BTBD9: variants seen among roughly 807,000 people sequenced by gnomAD.
BTBD9 encodes the protein BTB/POZ domain-containing protein 9.
Under a neutral mutation model 64.3 loss-of-function variants are expected in BTBD9, and 49 were observed. That is an observed-to-expected ratio of 0.76 (90% CI 0.61 to 0.97). The LOEUF is 0.97. BTBD9 is among the 50% of genes least tolerant of loss of function. The probability of loss-of-function intolerance (pLI) is 0.00; values close to 1 mark genes in which losing one functional copy is unlikely to be tolerated. For synonymous variants in BTBD9, 260 were observed against 274.7 expected (o/e 0.95, Z 0.53); for missense variants, 598 against 762.1 (o/e 0.78, Z 2.53).
chr6:38,377,475 C>T (rs1018326447), intron 6 of BTBD9, among the ~76,000 whole-genome samples: 2 of 152,162 alleles, frequency 1.3e-5, no homozygotes, highest in African/African-American at 4.8e-5. Flanking sequence ...CAATCTATTA[C>T]CCAAATAAAA....
chr6:38,431,551 T>C (rs1768438305), intron 6 of BTBD9, among the ~76,000 whole-genome samples: 2 of 152,116 alleles, frequency 1.3e-5, no homozygotes, highest in Non-Finnish European at 2.9e-5. Context: ...TCAAACCTGC[T>C]CCTCCCCATT....
At chr6:38,603,162 C>T (rs1777315815) in intron 1 of BTBD9, among the ~76,000 whole-genome samples, 1 of 152,188 alleles carries the variant, frequency 6.6e-6, no homozygotes, top group African/African-American at 2.4e-5. Context: ...GAAGGACTTA[C>T]ACTGAGAATG....
intron 6 of BTBD9, among the ~76,000 whole-genome samples, chr6:38,437,138 T>C (rs1249368630): frequency 6.6e-6 from 1 of 152,164 alleles, no homozygotes; most frequent in African/African-American, 2.4e-5. Flanking sequence ...AATACATAAA[T>C]ACAGAGTCAA....
At chr6:38,415,858 T>TA (rs36006444) in intron 6 of BTBD9, among the ~76,000 whole-genome samples, 2,543 of 145,534 alleles carry the variant, frequency 0.017, 31 homozygotes, top group African/African-American at 0.041. Flanking sequence ...CTGCAGTCCT[T>TA]AAAAAAAAAA....
intron 6 of BTBD9, among the ~76,000 whole-genome samples, chr6:38,368,781 T>C (rs1007789411): frequency 2.0e-5 from 3 of 152,210 alleles, no homozygotes; most frequent in African/African-American, 7.2e-5. Flanking sequence ...GCCCTCAGGC[T>C]AAGGGTCCCT....
chr6:38,593,851 G>A (rs1003620043), intron 3 of BTBD9, 113 bp downstream of exon 3: 11 of 976,692 alleles, frequency 1.1e-5, no homozygotes, highest in Admixed American at 9.7e-5. Context: ...CAATGATAAC[G>A]CTTTGATACC....
chr6:38,303,562 C>G (rs137912734), intron 7 of BTBD9, among the ~76,000 whole-genome samples: 6 of 151,956 alleles, frequency 3.9e-5, no homozygotes, highest in Non-Finnish European at 5.9e-5. Context: ...CCAGTTGTCT[C>G]TGTTTACTCT....
intron 1 of BTBD9, among the ~76,000 whole-genome samples, chr6:38,625,799 A>T (rs1378334051): frequency 6.6e-6 from 1 of 152,238 alleles, no homozygotes; most frequent in East Asian, 1.9e-4. Context: ...CAACTTTCTC[A>T]TTTAGAAAAT....
In BTBD9 at chr6:38,460,020, T is replaced by C. The variant is rs574502439; in HGVS notation, c.1155-114927A>G. 2.0e-5 allele frequency among the ~76,000 whole-genome samples: 3 copies of C among 152,342 alleles called. No individual in the cohort carries two copies. In the South Asian group the frequency reaches 6.2e-4, roughly 32 times the overall value. The stretch of plus-strand genomic sequence containing the variant: ...ATCTCAAGCTAGCTTATGATATAAA[T>C]TTCAATTAGAAAATCCTAGCAAAAC... On this transcript the variant is annotated intron_variant, in intron 6 of 10. Coordinates refer to ENST00000481247, the MANE Select transcript of BTBD9 (RefSeq NM_001099272.2).
At chr6:38,536,832 G>A (rs931906267) in intron 6 of BTBD9, among the ~76,000 whole-genome samples, 3 of 152,018 alleles carry the variant, frequency 2.0e-5, no homozygotes, top group Non-Finnish European at 4.4e-5. Context: ...GAGTGCTGGG[G>A]GTGGAGGAAA....
intron 6 of BTBD9, among the ~76,000 whole-genome samples, chr6:38,512,917 T>G (rs1772837823): frequency 6.6e-6 from 1 of 152,216 alleles, no homozygotes; most frequent in South Asian, 2.1e-4. Flanking sequence ...AGATGATGTA[T>G]AGCCTGAAAA....
rs540877690 is a variant in BTBD9 at position 38,630,074 on chromosome 6, G to A, written c.-28+9726C>T. ...AAATACAAAATTAGCCAGGCATGGTGGTGCATGCCTGTAATCCCAGCTACT... is the reference window on the plus strand; with the variant it reads ...AAATACAAAATTAGCCAGGCATGGTAGTGCATGCCTGTAATCCCAGCTACT... On this transcript the variant is annotated intron_variant, in intron 1 of 10. Coordinates refer to ENST00000481247, the MANE Select transcript of BTBD9 (RefSeq NM_001099272.2). Among the ~76,000 whole-genome samples, 20 of 152,006 alleles carry A rather than the reference G, an allele frequency of 1.3e-4. No individual in the cohort carries two copies. In the East Asian group the frequency reaches 3.3e-3, roughly 25 times the overall value.
At chr6:38,319,547 G>A (rs1763155784) in intron 7 of BTBD9, among the ~76,000 whole-genome samples, 1 of 151,982 alleles carries the variant, frequency 6.6e-6, no homozygotes, top group Non-Finnish European at 1.5e-5. Context: ...AGGGCAGCAG[G>A]TTCCCTTCTG....
At chr6:38,261,318 T>C (rs550022624) in intron 8 of BTBD9, among the ~76,000 whole-genome samples, 1 of 152,302 alleles carries the variant, frequency 6.6e-6, no homozygotes, top group African/African-American at 2.4e-5. Flanking sequence ...GAACAGGGCA[T>C]ATAACATCTT....
At chr6:38,633,242 T>C (rs967011378) in intron 1 of BTBD9, among the ~76,000 whole-genome samples, 1 of 152,210 alleles carries the variant, frequency 6.6e-6, no homozygotes, top group Non-Finnish European at 1.5e-5. Flanking sequence ...ACATAAGGAA[T>C]TGGCATGAAG....
At chr6:38,587,750 T>C in intron 4 of BTBD9, 1 of 690,424 alleles carries the variant, frequency 1.4e-6, no homozygotes, top group Non-Finnish European at 2.8e-6. Context: ...AATGTTACTG[T>C]GAATGGTAGG....
At chr6:38,256,550 A>C (rs761256756) in intron 8 of BTBD9, 34 bp from the exon 9 acceptor site, 4 of 1,471,546 alleles carry the variant, frequency 2.7e-6, no homozygotes, top group African/African-American at 2.8e-5. Flanking sequence ...ATTGCTGTAA[A>C]TGTTTTAACT....
At chr6:38,446,446 G>A (rs775528783) in intron 6 of BTBD9, among the ~76,000 whole-genome samples, 9 of 152,130 alleles carry the variant, frequency 5.9e-5, no homozygotes, top group Non-Finnish European at 1.0e-4. Context: ...TTGAGAGTCT[G>A]TCTCTACCAG....
intron 6 of BTBD9, among the ~76,000 whole-genome samples, chr6:38,515,688 G>A (rs1173766996): frequency 1.3e-5 from 2 of 152,164 alleles, no homozygotes; most frequent in Non-Finnish European, 2.9e-5. Context: ...CATATTAAGA[G>A]AGACAACAGA....
Sources: gnomAD v4.1 joint callset for allele counts (sites outside exome capture counted in the v4.1 genomes callset) on GRCh38, gnomAD v4.1.1 for gene constraint, MANE v1.5 for transcripts, NCBI Gene and HGNC (gene_info 2026-07-23, HGNC 2026-07-21) for gene names.